TMEM207: variants seen among roughly 807,000 people sequenced by gnomAD.
TMEM207 encodes SRSR846.
In TMEM207, 15 loss-of-function variants were observed where a neutral mutation model predicts 17.4. The observed-to-expected ratio is 0.86, with a 90% CI of 0.58 to 1.33. TMEM207 has a LOEUF of 1.33. TMEM207 is among the 40% of genes most tolerant of loss of function. The pLI is 0.00. For missense variants in TMEM207, 205 were observed against 173.8 expected, an observed-to-expected ratio of 1.18 and a Z score of -1.01; for synonymous variants, 70 against 65.6, an observed-to-expected ratio of 1.07 and a Z score of -0.33.
intron 1 of TMEM207, among the ~76,000 whole-genome samples, chr3:190,448,946 A>G (rs1439874459): frequency 6.6e-6 from 1 of 152,192 alleles, no homozygotes; most frequent in Non-Finnish European, 1.5e-5. Flanking sequence ...CTGCAAATAG[A>G]TTTGCATACT....
At chr3:190,445,481 AC>A (rs1321878091) in intron 2 of TMEM207, among the ~76,000 whole-genome samples, 1 of 152,228 alleles carries the variant, frequency 6.6e-6, no homozygotes, top group Non-Finnish European at 1.5e-5. Flanking sequence ...AGAAAAACGT[AC>A]CCTGGTGTTG....
At chr3:190,432,209 A>C (rs1197973457) in intron 4 of TMEM207, among the ~76,000 whole-genome samples, 2 of 152,220 alleles carry the variant, frequency 1.3e-5, no homozygotes, top group African/African-American at 2.4e-5. Context: ...CTATGTTTTT[A>C]AGAATCACTC....
Position 190,449,836 on chromosome 3 carries a change from G to A in TMEM207, c.-27C>T. 1 of 1,598,728 alleles carries A rather than the reference G, an allele frequency of 6.3e-7. No homozygotes were observed. Among genetic ancestry groups the A allele is most frequent in the Non-Finnish European group, 8.6e-7 (1 of 1,166,152 alleles). ...TTTAAAGGACAGTCAACTTAGGATA[G>A]TGGTTTGGTGCCTGTGTTTATTTCC... On this transcript the variant is annotated 5_prime_UTR_variant, in exon 1 of 5. Transcript: ENST00000354905.
At chr3:190,443,413 T>G (rs1164467464) in intron 2 of TMEM207, among the ~76,000 whole-genome samples, 1 of 152,198 alleles carries the variant, frequency 6.6e-6, no homozygotes, top group Admixed American at 6.5e-5. Flanking sequence ...CTTTTTTTTC[T>G]GAGCTGGTGC....
At chr3:190,436,320 TCTC>T (rs1719802577) in intron 4 of TMEM207, among the ~76,000 whole-genome samples, 1 of 152,198 alleles carries the variant, frequency 6.6e-6, no homozygotes, top group Non-Finnish European at 1.5e-5. Context: ...CATCCCATCT[TCTC>T]CTTTGTGCTC....
chr3:190,437,089 G>A (rs1719817330), intron 4 of TMEM207, among the ~76,000 whole-genome samples: 1 of 152,208 alleles, frequency 6.6e-6, no homozygotes. Flanking sequence ...GTGCAACTCA[G>A]GATGGAAGAG....
At chr3:190,434,303 A>G (rs1040187913) in intron 4 of TMEM207, among the ~76,000 whole-genome samples, 1 of 152,168 alleles carries the variant, frequency 6.6e-6, no homozygotes, top group African/African-American at 2.4e-5. Context: ...GAGGGATCTG[A>G]TGGAAGACAA....
At chr3:190,438,892 TA>T (rs1167353034) in intron 4 of TMEM207, among the ~76,000 whole-genome samples, 2 of 152,214 alleles carry the variant, frequency 1.3e-5, no homozygotes, top group African/African-American at 4.8e-5. Context: ...TTATCCTTCC[TA>T]AAAGAACCAT....
rs1560110250 is a variant in TMEM207, at chr3:190,449,805, G to A, written c.5C>T (p.Ser2Leu). M[S>L]RSRLFSVTSA... ...GGTGACACTGAAAAGTCTGGATCTT[G>A]ACATATTTAAAGGACAGTCAACTTA... Residue 2 changes from serine (S) to leucine (L), a missense_variant, in exon 1 of 5, where the codon TCA becomes TTA. By Grantham distance (145) the Ser-to-Leu change is moderately radical. Coordinates refer to ENST00000354905, the MANE Select transcript of TMEM207 (RefSeq NM_207316.3). 6.2e-7 allele frequency: 1 copy of A among 1,613,692 alleles called. No individual in the cohort carries two copies. The highest frequency in any genetic ancestry group is 8.5e-7 in the Non-Finnish European group (1 of 1,179,704).
chr3:190,449,759 C>T lies in TMEM207; in HGVS notation c.51G>A (p.Gly17=). The change falls in exon 1 of 5, where the codon GGG becomes GGA. Residue 17 remains glycine, a synonymous_variant. Coordinates refer to ENST00000354905, the MANE Select transcript of TMEM207 (RefSeq NM_207316.3). ...FSVTSAISTI[G]ILCLPLFQLV... is the part of the protein sequence containing the mutation. ...CCTGGAATAGCGGCAAACACAAGAT[C>T]CCTATCGTTGAGATCGCTGAGGTGA... 6.2e-7 allele frequency: 1 copy of T among 1,613,782 alleles called. No homozygotes were observed. The highest frequency in any genetic ancestry group is 1.1e-5 in the South Asian group (1 of 91,072).
chr3:190,431,924 T>C (rs1175579109), intron 4 of TMEM207, among the ~76,000 whole-genome samples: 3 of 152,188 alleles, frequency 2.0e-5, no homozygotes, highest in Admixed American at 6.5e-5. Context: ...ATTAAGCCAA[T>C]GTGTTCAGGA....
intron 4 of TMEM207, among the ~76,000 whole-genome samples, chr3:190,431,148 C>T (rs1719683856): frequency 6.6e-6 from 1 of 152,094 alleles, no homozygotes; most frequent in Non-Finnish European, 1.5e-5. Context: ...TCTGGTTTAG[C>T]ACTTTTCTTA....
chr3:190,438,383 C>G (rs1408168005), intron 4 of TMEM207, among the ~76,000 whole-genome samples: 1 of 151,276 alleles, frequency 6.6e-6, no homozygotes, highest in Non-Finnish European at 1.5e-5. Flanking sequence ...CTAGCACATG[C>G]AGATTGCTAA....
chr3:190,444,312 A>C (rs1432072782), intron 2 of TMEM207: 1 of 537,244 alleles, frequency 1.9e-6, no homozygotes, highest in African/African-American at 2.1e-5. Flanking sequence ...TGCGCAAGTT[A>C]GCATAGCTGG....
intron 4 of TMEM207, among the ~76,000 whole-genome samples, chr3:190,431,985 C>T (rs1222574967): frequency 6.6e-6 from 1 of 152,046 alleles, no homozygotes; most frequent in Non-Finnish European, 1.5e-5. Flanking sequence ...TTTTTCAAAG[C>T]ATGTTTACAT....
intron 1 of TMEM207, among the ~76,000 whole-genome samples, chr3:190,449,412 A>G (rs944132964): frequency 1.3e-5 from 2 of 152,214 alleles, no homozygotes; most frequent in East Asian, 3.8e-4. Flanking sequence ...TAATCTAGCC[A>G]TAGCATTTTG....
At position 190,449,860 on chromosome 3, in the gene TMEM207, C is replaced by A; in HGVS notation, c.-51G>T. The A allele has an allele frequency of 6.5e-7, 1 of 1,534,990 alleles. No individual in the cohort carries two copies. The highest frequency in any genetic ancestry group is 1.1e-5 in the South Asian group (1 of 88,916). ...AGTGGTTTGGTGCCTGTGTTTATTT[C>A]CTTCTTTCTCAGAACTTACTAGCTT... On this transcript the variant is annotated 5_prime_UTR_variant, in exon 1 of 5. Transcript: ENST00000354905.
intron 4 of TMEM207, among the ~76,000 whole-genome samples, chr3:190,439,665 T>C (rs969126410): frequency 2.6e-5 from 4 of 152,076 alleles, no homozygotes; most frequent in Admixed American, 2.0e-4. Flanking sequence ...TTATGCAAAC[T>C]GGAAAATGAA....
chr3:190,429,799 C>T (rs866639933), intron 4 of TMEM207, 68 bp from the exon 5 acceptor site: 96 of 1,426,582 alleles, frequency 6.7e-5, no homozygotes, highest in Non-Finnish European at 8.0e-5. Context: ...ATGAACTGCC[C>T]GATAAAATCT....
Sources: gnomAD v4.1 joint callset for allele counts (sites outside exome capture counted in the v4.1 genomes callset) on GRCh38, gnomAD v4.1.1 for gene constraint, MANE v1.5 for transcripts, NCBI Gene and HGNC (gene_info 2026-07-23, HGNC 2026-07-21) for gene names.